RAVER2: variants seen among roughly 807,000 people sequenced by gnomAD.
RAVER2 encodes the protein ribonucleoprotein PTB-binding 2.
Under a neutral mutation model 78.1 loss-of-function variants are expected in RAVER2, and 46 were observed. The ratio of observed to expected loss-of-function variants is 0.59; its 90% confidence interval spans 0.46 to 0.75. The LOEUF (loss-of-function observed/expected upper bound fraction) is 0.75. Ranked by LOEUF, RAVER2 falls within the 30% of genes least tolerant of loss-of-function variation. The pLI is 0.00. For missense variants in RAVER2, 793 were observed against 837.5 expected (o/e 0.95, Z 0.66); for synonymous variants, 311 against 313.3 (o/e 0.99, Z 0.08).
intron 5 of RAVER2, among the ~76,000 whole-genome samples, chr1:64,794,442 T>C (rs1306939966): frequency 6.6e-6 from 1 of 151,742 alleles, no homozygotes; most frequent in Non-Finnish European, 1.5e-5. Context: ...TCCAATGTGG[T>C]TGAGCCATTT....
Position 64,783,791 on chromosome 1 carries a change from C to T in RAVER2, c.978+2220C>T, listed in dbSNP as rs546995181. Among the ~76,000 whole-genome samples, 3 of 152,288 alleles carry T rather than the reference C, an allele frequency of 2.0e-5. No homozygotes were observed. In the East Asian group the frequency reaches 5.8e-4, roughly 29 times the overall value. On this transcript the variant is annotated intron_variant, in intron 4 of 11. Transcript: ENST00000294428. ...ATGGGCAAAGACTTCATGACTAAAA[C>T]ACCAAAAGCAATGGCAACAAAAGCA...
chr1:64,776,395 G>A (rs1264555743), intron 2 of RAVER2, among the ~76,000 whole-genome samples: 2 of 152,166 alleles, frequency 1.3e-5, no homozygotes, highest in Admixed American at 6.6e-5. Flanking sequence ...TGAAAAATGT[G>A]TTTCTTTAAA....
chr1:64,769,478 T>A (rs1451186574), intron 2 of RAVER2, among the ~76,000 whole-genome samples: 1 of 152,082 alleles, frequency 6.6e-6, no homozygotes, highest in Non-Finnish European at 1.5e-5. Flanking sequence ...TTAAAGCTGT[T>A]CACAAATTCT....
chr1:64,755,086 A>G (rs757848408), intron 1 of RAVER2, among the ~76,000 whole-genome samples: 2 of 152,212 alleles, frequency 1.3e-5, no homozygotes, highest in African/African-American at 2.4e-5. Context: ...AGAGGTTTTC[A>G]AGAAGTTACA....
In RAVER2 at chr1:64,812,262, G is replaced by A. The variant is rs370569101; in HGVS notation, c.1681-476G>A. On this transcript the variant is annotated intron_variant, in intron 9 of 11. Coordinates refer to ENST00000294428, the Ensembl canonical transcript of RAVER2. ...CTGTAATCCCAGCTACTCAGGAGGC[G>A]GAAGCAGGAGAATCGCTTGAACCTG... is the stretch of plus-strand genomic sequence containing the variant. 4.1e-4 allele frequency among the ~76,000 whole-genome samples: 61 copies of A among 150,114 alleles called. No homozygotes were observed. In the East Asian group the frequency reaches 9.7e-3, roughly 24 times the overall value.
chr1:64,751,446 G>A (rs1214395412), intron 1 of RAVER2, among the ~76,000 whole-genome samples: 1 of 152,192 alleles, frequency 6.6e-6, no homozygotes, highest in South Asian at 2.1e-4. Context: ...ACTCAGATCA[G>A]GGAAGCATTA....
At chr1:64,822,289 AAAAC>A (rs546103963) in intron 11 of RAVER2, among the ~76,000 whole-genome samples, 113 of 152,354 alleles carry the variant, frequency 7.4e-4, no homozygotes, top group East Asian at 1.5e-3. Context: ...CTCCGTCTCA[AAAAC>A]AAACAAAGTA....
chr1:64,749,485 A>T (rs1651636557), intron 1 of RAVER2, among the ~76,000 whole-genome samples: 1 of 152,222 alleles, frequency 6.6e-6, no homozygotes, highest in African/African-American at 2.4e-5. Flanking sequence ...TGCTGGGATT[A>T]CAGGCGTGAG....
intron 11 of RAVER2, among the ~76,000 whole-genome samples, chr1:64,825,960 A>G (rs1653994902): frequency 6.6e-6 from 1 of 152,254 alleles, no homozygotes; most frequent in Non-Finnish European, 1.5e-5. Context: ...TGAAATTCTA[A>G]CGAGAGGGCA....
intron 2 of RAVER2, among the ~76,000 whole-genome samples, chr1:64,775,415 G>T (rs1416998749): frequency 6.6e-6 from 1 of 152,170 alleles, no homozygotes; most frequent in African/African-American, 2.4e-5. Flanking sequence ...TGTTGAAAGG[G>T]ATCTTACCTG....
At chr1:64,806,955 C>T (rs1481879467) in intron 8 of RAVER2, among the ~76,000 whole-genome samples, 1 of 151,974 alleles carries the variant, frequency 6.6e-6, no homozygotes, top group African/African-American at 2.4e-5. Flanking sequence ...AATTTAAAAA[C>T]TTAAAAATTC....
chr1:64,812,846 T>C (rs1185023190), exon 10 of RAVER2: 2 of 1,589,506 alleles, frequency 1.3e-6, no homozygotes, highest in Non-Finnish European at 1.7e-6. Flanking sequence ...TGTGTGCTTA[T>C]CATGTAAGTA....
intron 3 of RAVER2, among the ~76,000 whole-genome samples, chr1:64,780,284 A>G (rs1420487471): frequency 6.6e-6 from 1 of 152,216 alleles, no homozygotes; most frequent in Non-Finnish European, 1.5e-5. Context: ...GGTTTGGATT[A>G]TAAGAGGAAT....
rs1476144360 is a variant in RAVER2, at chr1:64,805,141, A to G, written c.1411+36A>G. The stretch of plus-strand genomic sequence containing the variant: ...TGTATTTACTGAGAAGTCAGTAAAC[A>G]GTCAGGTTTGAGATTTAAAGATAGT... On this transcript the variant is annotated intron_variant, in intron 8 of 11. Transcript: ENST00000294428. 3.9e-6 allele frequency: 6 copies of G among 1,556,184 alleles called. No homozygotes were observed. The African/African-American group carries it at 8.2e-5, about 21-fold the overall frequency.
At chr1:64,830,924 A>G in exon 12 of RAVER2, 1 of 1,613,940 alleles carries the variant, frequency 6.2e-7, no homozygotes, top group Non-Finnish European at 8.5e-7. Context: ...GTTGACCAGC[A>G]TTCTCAGGGC....
At chr1:64,800,125 TTTTTTG>T (rs1570567495) in intron 5 of RAVER2, among the ~76,000 whole-genome samples, 3 of 144,652 alleles carry the variant, frequency 2.1e-5, no homozygotes, top group African/African-American at 5.2e-5. Flanking sequence ...TGTTTTTTTG[TTTTTTG>T]TTTTTTTTTT....
chr1:64,753,368 AT>A (rs754186035), intron 1 of RAVER2, among the ~76,000 whole-genome samples: 5 of 151,938 alleles, frequency 3.3e-5, no homozygotes, highest in African/African-American at 4.8e-5. Context: ...TTTAAAAAAA[AT>A]ATTTTTGTTT....
intron 2 of RAVER2, among the ~76,000 whole-genome samples, chr1:64,775,426 T>A (rs1652433456): frequency 6.6e-6 from 1 of 152,230 alleles, no homozygotes; most frequent in Non-Finnish European, 1.5e-5. Context: ...ATCTTACCTG[T>A]TCTGTTCACC....
chr1:64,814,624 A>G, intron 10 of RAVER2, 80 bp from the exon 11 acceptor site: 1 of 760,912 alleles, frequency 1.3e-6, no homozygotes, highest in African/African-American at 1.8e-5. Context: ...TAATAAAATA[A>G]TTTATTTAAA....
Sources: gnomAD v4.1 joint callset for allele counts (sites outside exome capture counted in the v4.1 genomes callset) on GRCh38, gnomAD v4.1.1 for gene constraint, MANE v1.5 for transcripts, NCBI Gene and HGNC (gene_info 2026-07-23, HGNC 2026-07-21) for gene names.